The following EMC3 variants were observed in gnomAD, a reference collection of about 807,000 sequenced individuals.
EMC3 encodes the protein ER membrane protein complex subunit 3.
In EMC3, 13 loss-of-function variants were observed where a neutral mutation model predicts 36.6. The ratio of observed to expected loss-of-function variants is 0.35; its 90% CI spans 0.23 to 0.56. The LOEUF is 0.56. EMC3 is among the 20% of genes least tolerant of loss of function. The pLI is 0.84. For synonymous variants in EMC3, 120 were observed against 111.9 expected, an observed-to-expected ratio of 1.07 and a Z score of -0.46; for missense variants, 220 against 324.5, an observed-to-expected ratio of 0.68 and a Z score of 2.47.
rs201078221 is a variant in EMC3, at chr3:10,002,280, T to TTA, written c.-242+8741_-242+8742dup. ...TAATTTTTTTCAGCAGTTTCTTTTT[T>TTA]TATTTTATTTTATTTTATTTTATTT... On this transcript the variant is annotated intron_variant, in intron 1 of 8. Coordinates refer to the EMC3 transcript ENST00000470827. Among the ~76,000 whole-genome samples the TTA allele has an allele frequency of 8.2e-4, 124 of 150,412 alleles. 2 individuals carry two copies. The South Asian group carries it at 0.01, about 12-fold the overall frequency.
At chr3:9,992,034 G>A (rs2086059466) in intron 1 of EMC3, among the ~76,000 whole-genome samples, 1 of 152,140 alleles carries the variant, frequency 6.6e-6, no homozygotes, top group Admixed American at 6.5e-5. Flanking sequence ...CTCCTGCTGT[G>A]CAGCTTGGTT....
chr3:9,997,638 T>G (rs970651046), intron 1 of EMC3, among the ~76,000 whole-genome samples: 10 of 152,066 alleles, frequency 6.6e-5, no homozygotes, highest in African/African-American at 2.4e-4. Flanking sequence ...TTTTGTATTT[T>G]TAGTCGAGTT....
intron 1 of EMC3, among the ~76,000 whole-genome samples, chr3:10,008,038 C>G (rs1326908355): frequency 6.6e-6 from 1 of 152,146 alleles, no homozygotes; most frequent in Non-Finnish European, 1.5e-5. Context: ...GGATGAAGGT[C>G]CCTCAGGTGT....
intron 1 of EMC3, among the ~76,000 whole-genome samples, chr3:10,010,728 C>T (rs1254653250): frequency 4.6e-5 from 7 of 152,180 alleles, no homozygotes; most frequent in Admixed American, 3.9e-4. Context: ...CCCTTCACCC[C>T]AGGTGAGGAA....
chr3:9,976,244 T>G (rs2085848750), intron 3 of EMC3, among the ~76,000 whole-genome samples: 1 of 152,130 alleles, frequency 6.6e-6, no homozygotes, highest in African/African-American at 2.4e-5. Context: ...TAGCTGGGAC[T>G]ACAGGCACCC....
intron 1 of EMC3, chr3:10,002,875 C>A (rs2086221251): frequency 1.3e-5 from 6 of 454,420 alleles, no homozygotes; most frequent in South Asian, 9.3e-5. Flanking sequence ...TCAACAAGGC[C>A]CCCAGCATGA....
intron 5 of EMC3, among the ~76,000 whole-genome samples, chr3:9,971,628 A>T (rs1210836714): frequency 2.0e-5 from 3 of 152,204 alleles, no homozygotes; most frequent in Non-Finnish European, 4.4e-5. Context: ...GGATGCTGAG[A>T]AAAGATAAAT....
In EMC3 at chr3:9,986,562, C is replaced by T. The variant is rs753098124; in HGVS notation, c.100G>A (p.Val34Met). ...TTGTCGCTCTGCAGCAGGATGGACA[C>T]GTAGTGGCGGATCATGCCTACGAAG... is the stretch of plus-strand genomic sequence containing the variant. Reference protein sequence around the residue: ...TFFVGMIRHYVSILLQSDKKL... With the variant: ...TFFVGMIRHYMSILLQSDKKL... The change falls in exon 1 of 8, where the codon GTG (valine) becomes ATG (methionine). Residue 34 changes from valine (V) to methionine (M), a missense_variant. By Grantham distance (21) the Val-to-Met change is conservative (BLOSUM62 1). Transcript: ENST00000245046. 2.5e-6 allele frequency: 4 copies of T among 1,614,186 alleles called. No individual in the cohort carries two copies. In the East Asian group the frequency reaches 8.9e-5, roughly 36 times the overall value.
At chr3:10,004,232 C>G (rs1329811617) in intron 1 of EMC3, 1 of 152,230 alleles carries the variant, frequency 6.6e-6, no homozygotes, top group East Asian at 1.9e-4. Flanking sequence ...ACAGTAGACC[C>G]CAGGGAGCAG....
intron 6 of EMC3, among the ~76,000 whole-genome samples, chr3:9,970,162 A>G (rs879603666): frequency 2.6e-5 from 4 of 152,238 alleles, no homozygotes; most frequent in Admixed American, 2.6e-4. Flanking sequence ...TTATTTACAG[A>G]TAAGTAAATA....
chr3:10,010,284 T>G lies in EMC3; in HGVS notation c.-242+739A>C, dbSNP rs2124945565. 3 of 152,250 alleles carry G rather than the reference T, an allele frequency of 2.0e-5. No individual in the cohort carries two copies. The Middle Eastern group carries it at 0.01, about 514-fold the overall frequency. The allele number at this position is 152,250 out of a possible 1,614,324, so 9.4% of individuals were successfully genotyped here. ...CGTCTCTACTAAAAATACAAAAAAA[T>G]TAGCTGGGCGTGGTGGCGGGCTCCT... is the stretch of plus-strand genomic sequence containing the variant. On this transcript the variant is annotated intron_variant, in intron 1 of 8. Coordinates refer to the EMC3 transcript ENST00000470827.
chr3:10,002,174 TTGAA>T (rs1323080562), intron 1 of EMC3, among the ~76,000 whole-genome samples: 1 of 152,206 alleles, frequency 6.6e-6, no homozygotes, highest in African/African-American at 2.4e-5. Flanking sequence ...TTGAATCACT[TTGAA>T]TGGTATTGTC....
upstream of EMC3, chr3:9,986,897 T>C (rs1286969731): frequency 9.9e-6 from 13 of 1,318,092 alleles, no homozygotes; most frequent in Non-Finnish European, 1.2e-5. Context: ...CAGAGCGGCG[T>C]CGGGCCTGGC....
In EMC3 at chr3:9,974,385, T is replaced by C; in HGVS notation, c.411A>G (p.Thr137=). ...WINMTFSGFV[T]TKVPFPLTLR... is the part of the protein sequence containing the mutation. ...AAGTCGGCTGGGTCTGTAACTTACT[T>C]GTGACAAAGCCTGAGAATGTCATGT... The change falls in exon 4 of 8, where the codon ACA becomes ACG. Residue 137 remains threonine (T), a splice_region_variant and synonymous_variant. Coordinates refer to ENST00000245046, the MANE Select transcript of EMC3 (RefSeq NM_001394674.1). 6.2e-7 allele frequency: 1 copy of C among 1,609,912 alleles called. No individual in the cohort carries two copies. Among genetic ancestry groups the C allele is most frequent in the Non-Finnish European group, 8.5e-7 (1 of 1,176,132 alleles).
intron 1 of EMC3, chr3:10,006,407 C>T (rs1357915984): frequency 6.6e-6 from 1 of 152,268 alleles, no homozygotes; most frequent in Non-Finnish European, 1.5e-5. Context: ...GGTGGTCAAG[C>T]CACAATTCCT....
upstream of EMC3, chr3:9,987,734 A>T: frequency 4.7e-6 from 2 of 421,476 alleles, no homozygotes; most frequent in Non-Finnish European, 8.8e-6. Flanking sequence ...TTTGGATATG[A>T]CATTCTACGA....
At chr3:9,988,553 T>G (rs1359770840), upstream of EMC3, 28 of 878,902 alleles carry the variant, frequency 3.2e-5, 1 homozygote, top group Admixed American at 4.5e-4. Flanking sequence ...TGAGGTAGAT[T>G]GAAATAAAAA....
chr3:9,993,346 T>A (rs1277905978), intron 1 of EMC3, among the ~76,000 whole-genome samples: 1 of 152,236 alleles, frequency 6.6e-6, no homozygotes. Flanking sequence ...ATGTAAATTA[T>A]TCAAACTGGA....
At chr3:9,964,234 G>A (rs2085716201) in intron 7 of EMC3, 37 bp from the exon 8 acceptor site, 1 of 1,608,856 alleles carries the variant, frequency 6.2e-7, no homozygotes, top group South Asian at 1.1e-5. Flanking sequence ...GGAAGAGAGG[G>A]AATTGTTACT....
Sources: gnomAD v4.1 joint callset for allele counts (sites outside exome capture counted in the v4.1 genomes callset) on GRCh38, gnomAD v4.1.1 for gene constraint, MANE v1.5 for transcripts, NCBI Gene and HGNC (gene_info 2026-07-23, HGNC 2026-07-21) for gene names.